Variants in HMGCS2 observed in about 807,000 individuals in gnomAD.
The protein encoded by HMGCS2 is 3-hydroxy-3-methylglutaryl-CoA synthase 2, also known as hydroxymethylglutaryl-CoA synthase, mitochondrial.
In HMGCS2, 50 loss-of-function variants were observed where a neutral mutation model predicts 57.4. The ratio of observed to expected loss-of-function variants is 0.87; its 90% confidence interval spans 0.69 to 1.10. HMGCS2 has a LOEUF of 1.10. Ranked by LOEUF, HMGCS2 falls within the 50% of genes least tolerant of loss-of-function variation. HMGCS2 has a pLI of 0.00. For missense variants in HMGCS2, 627 were observed against 636.5 expected, an observed-to-expected ratio of 0.99 and a Z score of 0.16; for synonymous variants, 254 against 245.1, an observed-to-expected ratio of 1.04 and a Z score of -0.34.
rs1215176488 is a variant in HMGCS2, at chr1:119,748,777, A to G, written c.*70T>C. ...CAGCTAAGAGTGGGATCTTAAAAATATGATTCACGGGGAGAAGCTCTGCTA... is the reference window on the plus strand; with the variant it reads ...CAGCTAAGAGTGGGATCTTAAAAATGTGATTCACGGGGAGAAGCTCTGCTA... On this transcript the variant is annotated 3_prime_UTR_variant, in exon 10 of 10. Coordinates refer to ENST00000369406, the MANE Select transcript of HMGCS2 (RefSeq NM_005518.4). The G allele has an allele frequency of 2.0e-5, 3 of 152,366 alleles. No homozygotes were observed. Among genetic ancestry groups the G allele is most frequent in the Admixed American group, 6.5e-5 (1 of 15,314 alleles). 9.4% of individuals were successfully genotyped at this position (152,366 alleles called of 1,614,324 possible).
intron 5 of HMGCS2, 127 bp downstream of exon 5, chr1:119,757,146 C>A: frequency 1.3e-6 from 2 of 1,491,188 alleles, no homozygotes; most frequent in Non-Finnish European, 1.8e-6. Context: ...TGGGATTGTT[C>A]CTGTTCTGCT....
intron 4 of HMGCS2, 24 bp downstream of exon 4, chr1:119,759,094 C>A (rs1317884068): frequency 6.2e-7 from 1 of 1,613,778 alleles, no homozygotes; most frequent in Non-Finnish European, 8.5e-7. Flanking sequence ...AGAGCCCCCA[C>A]TTTCTGCCCT....
chr1:119,765,095 T>C (rs1014371156), intron 1 of HMGCS2, among the ~76,000 whole-genome samples: 5 of 152,194 alleles, frequency 3.3e-5, no homozygotes, highest in Non-Finnish European at 7.4e-5. Flanking sequence ...AATCTTTTTT[T>C]TTCTCTTTTT....
At chr1:119,754,347 G>A (rs1260074277) in intron 6 of HMGCS2, among the ~76,000 whole-genome samples, 4 of 152,040 alleles carry the variant, frequency 2.6e-5, no homozygotes, top group South Asian at 2.1e-4. Flanking sequence ...ATGAGCCACC[G>A]TGAACATCCA....
intron 5 of HMGCS2, among the ~76,000 whole-genome samples, chr1:119,756,123 C>T (rs940471455): frequency 2.0e-5 from 3 of 152,148 alleles, no homozygotes; most frequent in Admixed American, 1.3e-4. Flanking sequence ...TCCTGTTACT[C>T]CTCAAAACAC....
intron 6 of HMGCS2, 134 bp downstream of exon 6, chr1:119,755,292 GC>G: frequency 1.1e-6 from 1 of 889,346 alleles, no homozygotes; most frequent in Non-Finnish European, 1.9e-6. Context: ...ACAGGCATGA[GC>G]CACTACACCA....
Position 119,768,755 on chromosome 1 carries a change from T to C in HMGCS2, c.90A>G (p.Pro30=), listed in dbSNP as rs1653322264. The part of the protein sequence containing the change: ...ETSLTPARLL[P]VAHQRFSTAS... Reference sequence around the variant, plus strand: ...AAGTGACTCACCTTTGGTGGGCTACTGGGAGCAGGCGAGCAGGTGTGAGGG... The same window carrying C: ...AAGTGACTCACCTTTGGTGGGCTACCGGGAGCAGGCGAGCAGGTGTGAGGG... The change falls in exon 1 of 10, where the codon CCA becomes CCG. Residue 30 remains proline, a synonymous_variant. Transcript: ENST00000369406. The C allele has an allele frequency of 5.6e-6, 9 of 1,613,560 alleles. No homozygotes were observed. In the South Asian group the frequency reaches 8.8e-5, roughly 16 times the overall value.
intron 6 of HMGCS2, 99 bp from the exon 7 acceptor site, chr1:119,753,485 GAAC>G: frequency 1.4e-6 from 1 of 725,424 alleles, no homozygotes; most frequent in Non-Finnish European, 2.4e-6. Flanking sequence ...ACTTCAAATA[GAAC>G]AACAGCCTAT....
In HMGCS2 at chr1:119,750,768, T is replaced by A. The variant is rs200010260; in HGVS notation, c.*5+29A>T. The A allele has an allele frequency of 2.4e-4, 343 of 1,418,912 alleles. No individual in the cohort carries two copies. The African/African-American group carries it at 4.4e-3, about 18-fold the overall frequency. 87.9% of individuals were successfully genotyped at this position (1,418,912 alleles called of 1,614,324 possible). A position where few individuals can be genotyped will look rare whatever the true frequency, so the allele number is the denominator to read the frequency against. ...CTCAGAGGAAGACATTAGGGTTTTA[T>A]GCCACCAACTCTGCAAACTCTCACT... On this transcript the variant is annotated intron_variant, in intron 9 of 9. Transcript: ENST00000369406.
intron 1 of HMGCS2, 116 bp downstream of exon 1, chr1:119,768,625 A>G: frequency 1.3e-6 from 1 of 752,856 alleles, no homozygotes. Context: ...TGCTTGTCTA[A>G]GGCTGCTGTG....
chr1:119,759,392 G>T, intron 3 of HMGCS2, 110 bp from the exon 4 acceptor site: 1 of 1,081,144 alleles, frequency 9.2e-7, no homozygotes. Context: ...TGTGTCCCAT[G>T]CCCAAGTTCA....
At chr1:119,768,502 T>C (rs1449116308) in intron 1 of HMGCS2, among the ~76,000 whole-genome samples, 1 of 152,188 alleles carries the variant, frequency 6.6e-6, no homozygotes, top group Non-Finnish European at 1.5e-5. Flanking sequence ...AGAGTAAAAG[T>C]TGCCATTGCT....
At chr1:119,759,449 G>A in intron 3 of HMGCS2, 167 bp from the exon 4 acceptor site, 1 of 712,160 alleles carries the variant, frequency 1.4e-6, no homozygotes, top group Admixed American at 2.2e-5. Context: ...TGGACAGGTT[G>A]TTGGTATTAC....
At chr1:119,764,038 A>T in intron 2 of HMGCS2, 134 bp downstream of exon 2, 1 of 736,246 alleles carries the variant, frequency 1.4e-6, no homozygotes, top group Non-Finnish European at 2.4e-6. Context: ...TTGTGGGATG[A>T]TAGCAGCAGC....
chr1:119,763,643 A>G (rs1299382412), intron 2 of HMGCS2, among the ~76,000 whole-genome samples: 1 of 152,238 alleles, frequency 6.6e-6, no homozygotes, highest in African/African-American at 2.4e-5. Context: ...TAATGTTAAT[A>G]TGTTAAGCAA....
intron 2 of HMGCS2, among the ~76,000 whole-genome samples, chr1:119,760,864 T>A (rs1653013467): frequency 6.6e-6 from 1 of 152,008 alleles, no homozygotes; most frequent in African/African-American, 2.4e-5. Context: ...GATATAGTTA[T>A]CCCCATCCTA....
At chr1:119,764,079 A>C (rs1653127722) in intron 2 of HMGCS2, 93 bp downstream of exon 2, 3 of 1,057,120 alleles carry the variant, frequency 2.8e-6, no homozygotes, top group Non-Finnish European at 4.4e-6. Context: ...CCTTCACTAG[A>C]TGAAGCCACC....
chr1:119,757,576 T>G, intron 4 of HMGCS2, 138 bp from the exon 5 acceptor site: 1 of 1,370,672 alleles, frequency 7.3e-7, no homozygotes, highest in Non-Finnish European at 9.9e-7. Context: ...ACATATGAGC[T>G]TTATTTATTC....
chr1:119,753,497 A>G (rs2101250343), intron 6 of HMGCS2, 111 bp from the exon 7 acceptor site: 3 of 695,920 alleles, frequency 4.3e-6, no homozygotes, highest in East Asian at 2.7e-5. Flanking sequence ...ACAACAGCCT[A>G]TCATCCCGAT....
Sources: allele counts gnomAD v4.1 joint callset (sites outside exome capture counted in the v4.1 genomes callset), GRCh38; gene constraint gnomAD v4.1.1; transcripts MANE v1.5; gene names NCBI Gene and HGNC (gene_info 2026-07-23, HGNC 2026-07-21).